Variants in KIF24 observed in about 807,000 individuals in gnomAD.
The protein encoded by KIF24 is kinesin-like protein KIF24.
Under a neutral mutation model 118.9 loss-of-function variants are expected in KIF24, and 81 were observed. That is an observed-to-expected ratio of 0.68 (90% CI 0.57 to 0.82). KIF24 has a LOEUF of 0.82. Among genes scored for constraint, KIF24 ranks in the 40% least tolerant of loss-of-function variants. KIF24 has a pLI of 0.00. For missense variants in KIF24, 1,560 were observed against 1,661.6 expected (o/e 0.94, Z 1.06); for synonymous variants, 599 against 610.0 (o/e 0.98, Z 0.27).
At position 34,259,688 on chromosome 9, in the gene KIF24, G is replaced by A. The variant is rs1331195143; in HGVS notation, c.1533C>T (p.Phe511=). 8 of 1,613,540 alleles carry A rather than the reference G, an allele frequency of 5.0e-6. No individual in the cohort carries two copies. Among genetic ancestry groups the A allele is most frequent in the Non-Finnish European group, 6.8e-6 (8 of 1,179,598 alleles). ...SKLTQVLKDS[F]IGNAKTCMIA... is the part of the protein sequence containing the mutation. ...TCATGCAGGTTTTGGCATTGCCGAT[G>A]AAAGAGTCCTTCAGGACCTGTCCAA... is the stretch of plus-strand genomic sequence containing the variant. The change falls in exon 10 of 13, where the codon TTC becomes TTT. Residue 511 remains phenylalanine (F), a synonymous_variant. Transcript: ENST00000402558.
At position 34,254,440 on chromosome 9, in the gene KIF24, C is replaced by A. The variant is rs377097064; in HGVS notation, c.4047G>T (p.Leu1349=). 12 of 1,613,806 alleles carry A rather than the reference C, an allele frequency of 7.4e-6. No individual in the cohort carries two copies. In the African/African-American group the frequency reaches 1.2e-4, roughly 16 times the overall value. Residue 1349 remains leucine, a synonymous_variant, in exon 13 of 13, where the codon CTG becomes CTT. Transcript: ENST00000402558. ...GCCCGTGGCAGGTGAGATAGAGCTG[C>A]AGCTGGCTCCTCAGACTCTGGATAC... is the stretch of plus-strand genomic sequence containing the variant. ...SKCIQSLRSQ[L]QLYLTCHGPT...
Position 34,318,089 on chromosome 9 carries a change from C to G in KIF24, c.-25-6718G>C, listed in dbSNP as rs1472254870. ...GAATCCTTTCCTCAACATGTAGAAG[C>G]CTGATTAGAAAATTAGGGAGGAGAA... is the stretch of plus-strand genomic sequence containing the variant. On this transcript the variant is annotated intron_variant, in intron 1 of 12. Coordinates refer to ENST00000402558, the MANE Select transcript of KIF24 (RefSeq NM_194313.4). The surrounding 1 kb of genome is among the most constrained non-coding windows in gnomAD (Gnocchi z 4.9). Among the ~76,000 whole-genome samples the G allele has an allele frequency of 6.6e-6, 1 of 151,826 alleles. No individual in the cohort carries two copies. Among genetic ancestry groups the G allele is most frequent in the Non-Finnish European group, 1.5e-5 (1 of 67,966 alleles).
intron 1 of KIF24, chr9:34,319,098 TG>T: frequency 7.4e-7 from 1 of 1,356,906 alleles, no homozygotes. Flanking sequence ...TTCTATACCG[TG>T]GGTGTCATGG....
chr9:34,256,013 C>A lies in KIF24; in HGVS notation c.3594G>T (p.Gly1198=). The change falls in exon 11 of 13, where the codon GGG becomes GGT. Residue 1198 remains glycine (G), a synonymous_variant. Transcript: ENST00000402558. Reference sequence around the variant, plus strand: ...TGAGTGTAGGTCCAGAATGGGGTACCCCCATATGTATGGTGGTGAAGGGCT... The same window carrying A: ...TGAGTGTAGGTCCAGAATGGGGTACACCCATATGTATGGTGGTGAAGGGCT... ...PGKPFTTIHM[G]VPHSGPTLTP... is the part of the protein sequence containing the mutation. 1 of 1,613,852 alleles carries A rather than the reference C, an allele frequency of 6.2e-7. No individual in the cohort carries two copies. Among genetic ancestry groups the A allele is most frequent in the Non-Finnish European group, 8.5e-7 (1 of 1,179,846 alleles).
At chr9:34,299,409 T>G (rs922932174) in intron 3 of KIF24, among the ~76,000 whole-genome samples, 9 of 152,062 alleles carry the variant, frequency 5.9e-5, no homozygotes, top group Non-Finnish European at 1.0e-4. Flanking sequence ...CTCGAACTCC[T>G]GACCTCAAGT....
chr9:34,309,308 G>C (rs1013803417), intron 2 of KIF24, among the ~76,000 whole-genome samples: 1 of 152,160 alleles, frequency 6.6e-6, no homozygotes, highest in Non-Finnish European at 1.5e-5. Context: ...TTGGGAGGCT[G>C]AGGCGGGTGG....
intron 6 of KIF24, among the ~76,000 whole-genome samples, 190 bp downstream of exon 6, chr9:34,286,427 G>A (rs1307138991): frequency 1.3e-5 from 2 of 152,118 alleles, no homozygotes; most frequent in African/African-American, 4.8e-5. Context: ...CACTAATCGT[G>A]GGAGAAACCC....
At chr9:34,297,184 A>C in intron 3 of KIF24, 70 bp from the exon 4 acceptor site, 3 of 907,808 alleles carry the variant, frequency 3.3e-6, no homozygotes, top group Middle Eastern at 2.7e-4. Flanking sequence ...TCTAGTTAAC[A>C]GATGATAAAT....
chr9:34,324,291 C>G (rs1206332878), intron 1 of KIF24, among the ~76,000 whole-genome samples: 3 of 152,206 alleles, frequency 2.0e-5, no homozygotes, highest in African/African-American at 7.2e-5. Flanking sequence ...TACCTCCTGA[C>G]AAAATCTGCC....
At chr9:34,333,644 CAAAAAAAAAAAAAAA>C (rs34830977), upstream of KIF24, among the ~76,000 whole-genome samples, 11 of 47,104 alleles carry the variant, frequency 2.3e-4, no homozygotes, top group South Asian at 2.7e-3. Flanking sequence ...GAGACATTGT[CAAAAAAAAAAAAAAA>C]AAAAAAAAAA....
intron 7 of KIF24, among the ~76,000 whole-genome samples, chr9:34,271,238 T>G (rs1033738450): frequency 2.0e-5 from 3 of 151,598 alleles, no homozygotes; most frequent in African/African-American, 7.3e-5. Flanking sequence ...TAAAACATTC[T>G]TCCCAAAAGG....
rs574060688 is a variant in KIF24, at chr9:34,268,432, A to C, written c.1443+825T>G. On this transcript the variant is annotated intron_variant, in intron 8 of 12. Coordinates refer to ENST00000402558, the MANE Select transcript of KIF24 (RefSeq NM_194313.4). ...CGGCCTCCAAAAGTGTTGGGATTAC[A>C]GGCGTGAGCCACTGCGCCCAGCTGA... Among the ~76,000 whole-genome samples the C allele has an allele frequency of 2.0e-5, 3 of 152,148 alleles. No individual in the cohort carries two copies. The South Asian group carries it at 6.2e-4, about 32-fold the overall frequency.
chr9:34,270,515 CA>C (rs1157919379), intron 7 of KIF24, among the ~76,000 whole-genome samples: 116 of 56,042 alleles, frequency 2.1e-3, no homozygotes, highest in Middle Eastern at 9.8e-3. Context: ...GACTCCGTCT[CA>C]AAAAAAAAAA....
chr9:34,306,428 CTGAAG>C lies in KIF24; in HGVS notation c.632_636del (p.Thr211ArgfsTer8), dbSNP rs1427202002. 1.2e-6 allele frequency: 2 copies of C among 1,601,120 alleles called. No individual in the cohort carries two copies. Among genetic ancestry groups the C allele is most frequent in the South Asian group, 2.2e-5 (2 of 88,976 alleles). ...ATCTCAGTCCAAGGATTCTGTTTCT[CTGAAG>C]TGTTCTGTCTAATATGTTTATAAAC... On this transcript the variant is annotated frameshift_variant, in exon 3 of 13. Coordinates refer to ENST00000402558, the MANE Select transcript of KIF24 (RefSeq NM_194313.4). LOFTEE classifies it high-confidence loss of function.
chr9:34,284,843 G>A (rs555175823), intron 6 of KIF24, among the ~76,000 whole-genome samples: 34 of 152,034 alleles, frequency 2.2e-4, no homozygotes, highest in African/African-American at 8.2e-4. Context: ...ACATACTTAG[G>A]TTTTATGCAT....
At chr9:34,264,425 G>A (rs531730778) in intron 8 of KIF24, among the ~76,000 whole-genome samples, 5 of 150,220 alleles carry the variant, frequency 3.3e-5, no homozygotes, top group Non-Finnish European at 7.4e-5. Context: ...GCGAGACTCC[G>A]TCTCAAGAGA....
chr9:34,308,509 C>A (rs1837017749), intron 2 of KIF24, among the ~76,000 whole-genome samples: 2 of 152,126 alleles, frequency 1.3e-5, no homozygotes, highest in Admixed American at 1.3e-4. Context: ...ACCTTGAACT[C>A]CTGACCTCAG....
At position 34,254,231 on chromosome 9, in the gene KIF24, G is replaced by C. The variant is rs1299276415; in HGVS notation, c.*149C>G. 2 of 815,030 alleles carry C rather than the reference G, an allele frequency of 2.5e-6. No individual in the cohort carries two copies. The highest frequency in any genetic ancestry group is 3.6e-6 in the Non-Finnish European group (2 of 557,986). 50.5% of individuals were successfully genotyped at this position (815,030 alleles called of 1,614,324 possible). A position where few individuals can be genotyped will look rare whatever the true frequency, so the allele number is the denominator to read the frequency against. On this transcript the variant is annotated 3_prime_UTR_variant, in exon 13 of 13. Transcript: ENST00000402558. ...AGGGAGAAGCTGGGACCTATCTGAA[G>C]CCACGTGGGGCTGGGGTGACGCTAG...
rs1837123110 is a variant in KIF24, at chr9:34,311,094, T to C, written c.253A>G (p.Ile85Val). The change falls in exon 2 of 13, where the codon ATC becomes GTC. Residue 85 changes from isoleucine to valine, a missense_variant. Physicochemically the swap from Ile to Val is conservative, Grantham distance 29. Around this residue, in one of 3 missense-constraint regions of KIF24, gnomAD observed 964 missense variants for 988.0 expected, o/e 0.98. Coordinates refer to ENST00000402558, the MANE Select transcript of KIF24 (RefSeq NM_194313.4). ...CCAGATCTTAATTCCTGAGATTTGATGCGCAGGCTGCTTGTCTGAAGATGA... is the reference window on the plus strand; with the variant it reads ...CCAGATCTTAATTCCTGAGATTTGACGCGCAGGCTGCTTGTCTGAAGATGA... ...ERHLQTSSLR[I>V]KSQELRSGPR... is the part of the protein sequence containing the mutation. The C allele has an allele frequency of 1.2e-6, 2 of 1,613,810 alleles. No homozygotes were observed. The highest frequency in any genetic ancestry group is 1.1e-5 in the South Asian group (1 of 91,054).
Sources: allele counts gnomAD v4.1 joint callset (sites outside exome capture counted in the v4.1 genomes callset), GRCh38; gene constraint gnomAD v4.1.1; regional missense constraint gnomAD v4.1.1; non-coding constraint Gnocchi (gnomAD v3.1); transcripts MANE v1.5; gene names NCBI Gene and HGNC (gene_info 2026-07-23, HGNC 2026-07-21).